RNF157: variants seen among roughly 807,000 people sequenced by gnomAD.
The protein encoded by RNF157 is ring finger protein 157, also known as E3 ubiquitin ligase RNF157.
In RNF157, 55 loss-of-function variants were observed where a neutral mutation model predicts 88.3. The observed-to-expected ratio is 0.62, with a 90% CI of 0.50 to 0.78. The LOEUF (loss-of-function observed/expected upper bound fraction) is 0.78. Ranked by LOEUF, RNF157 falls within the 30% of genes least tolerant of loss-of-function variation. The pLI, the probability that RNF157 is intolerant of heterozygous loss-of-function variation, is 0.00. For missense variants in RNF157, 788 were observed against 860.8 expected (o/e 0.92, Z 1.06); for synonymous variants, 334 against 341.2 (o/e 0.98, Z 0.23).
chr17:76,235,273 C>T (rs2070262470), intron 1 of RNF157, among the ~76,000 whole-genome samples: 1 of 151,760 alleles, frequency 6.6e-6, no homozygotes. Flanking sequence ...TCTCGGCTCA[C>T]TGCAAGCTCC....
chr17:76,158,547 A>C (rs1219861198), intron 12 of RNF157, 46 bp from the exon 13 acceptor site: 1 of 1,388,474 alleles, frequency 7.2e-7, no homozygotes, highest in Admixed American at 1.7e-5. Flanking sequence ...CGTCCATTTA[A>C]AGAACAGAAC....
intron 1 of RNF157, among the ~76,000 whole-genome samples, chr17:76,230,836 T>TAAAA (rs1160772405): frequency 2.8e-5 from 2 of 70,366 alleles, no homozygotes; most frequent in East Asian, 4.2e-4. Flanking sequence ...AGACTCCATC[T>TAAAA]AAAAAAAAAA....
Position 76,221,374 on chromosome 17 carries a change from C to T in RNF157, c.89-8892G>A, listed in dbSNP as rs148885417. On this transcript the variant is annotated intron_variant, in intron 1 of 18. Transcript: ENST00000269391. ...ATGAACTTGATCAAGCTGCTGAAAC[C>T]AGTTAACCACCAGCTTATAGGGAAT... Among the ~76,000 whole-genome samples, 727 of 152,170 alleles carry T rather than the reference C, an allele frequency of 4.8e-3. 5 individuals are homozygous for T. The highest frequency in any genetic ancestry group is 0.011 in the South Asian group (54 of 4,820).
intron 1 of RNF157, among the ~76,000 whole-genome samples, chr17:76,228,153 A>G (rs926902041): frequency 6.6e-6 from 1 of 152,106 alleles, no homozygotes; most frequent in African/African-American, 2.4e-5. Context: ...TTTAAATTCT[A>G]TTCTTATGCT....
rs764629325 is a variant in RNF157, at chr17:76,155,612, C to A, written c.1648G>T (p.Ala550Ser). The A allele has an allele frequency of 8.1e-6, 13 of 1,613,608 alleles. No individual in the cohort carries two copies. The East Asian group carries it at 1.1e-4, about 14-fold the overall frequency. Residue 550 changes from alanine (A) to serine (S), a missense_variant, in exon 15 of 19, where the codon GCT becomes TCT. By Grantham distance (99) the Ala-to-Ser change is moderately conservative. Transcript: ENST00000269391. ...CTGGCAGGCTGGGGGGAAGAGAGAG[C>A]CTCTCCCTCCTCTTCAGTGCCAGGG... ...IAPGTEEEGE[A>S]LSSPQPASRA...
At chr17:76,224,474 T>A (rs2070043030) in intron 1 of RNF157, among the ~76,000 whole-genome samples, 2 of 152,120 alleles carry the variant, frequency 1.3e-5, no homozygotes, top group Non-Finnish European at 2.9e-5. Context: ...TTCATCTACA[T>A]GACATTTCAA....
At chr17:76,165,700 C>CA (rs2068912726) in intron 6 of RNF157, among the ~76,000 whole-genome samples, 155 bp from the exon 7 acceptor site, 1 of 151,200 alleles carries the variant, frequency 6.6e-6, no homozygotes, top group Admixed American at 6.6e-5. Context: ...TTTTTTGAGA[C>CA]AGAGTCTGGC....
chr17:76,213,177 G>A (rs1179208565), intron 1 of RNF157, among the ~76,000 whole-genome samples: 1 of 152,124 alleles, frequency 6.6e-6, no homozygotes, highest in Non-Finnish European at 1.5e-5. Context: ...ATGTATTGAA[G>A]AATCTCAGCT....
At chr17:76,198,539 C>T (rs1187524297) in intron 2 of RNF157, among the ~76,000 whole-genome samples, 1 of 152,152 alleles carries the variant, frequency 6.6e-6, no homozygotes, top group Non-Finnish European at 1.5e-5. Context: ...ATTACCACAC[C>T]CTAGATTCTG....
At chr17:76,186,659 C>T (rs117025238) in intron 2 of RNF157, among the ~76,000 whole-genome samples, 10 of 150,928 alleles carry the variant, frequency 6.6e-5, no homozygotes, top group East Asian at 4.0e-4. Flanking sequence ...AGGTCTGGGC[C>T]GGGGGGGCAG....
At chr17:76,236,274 G>A (rs2070281268) in intron 1 of RNF157, among the ~76,000 whole-genome samples, 3 of 152,096 alleles carry the variant, frequency 2.0e-5, no homozygotes, top group African/African-American at 7.2e-5. Context: ...GATTTATGAG[G>A]TACTGCTTTA....
chr17:76,148,566 C>CTT (rs35003550), intron 18 of RNF157, among the ~76,000 whole-genome samples: 1 of 132,944 alleles, frequency 7.5e-6, no homozygotes. Flanking sequence ...CGTGCCCCGC[C>CTT]TTTTTTTTTT....
chr17:76,158,705 G>A (rs1212286070), intron 12 of RNF157, among the ~76,000 whole-genome samples: 1 of 152,208 alleles, frequency 6.6e-6, no homozygotes, highest in African/African-American at 2.4e-5. Context: ...GAGGAGTACA[G>A]CCTCCTGAGT....
At chr17:76,171,171 C>T (rs2069007681) in intron 3 of RNF157, among the ~76,000 whole-genome samples, 1 of 151,262 alleles carries the variant, frequency 6.6e-6, no homozygotes, top group Admixed American at 6.6e-5. Context: ...GGATTACAGG[C>T]ATGAGCCACT....
intron 2 of RNF157, among the ~76,000 whole-genome samples, chr17:76,178,600 C>T (rs2069141793): frequency 6.6e-6 from 1 of 152,230 alleles, no homozygotes; most frequent in African/African-American, 2.4e-5. Context: ...CCACTGGCCA[C>T]AGGTTTCCAG....
intron 1 of RNF157, among the ~76,000 whole-genome samples, chr17:76,223,737 CT>C (rs2070029449): frequency 6.6e-6 from 1 of 152,094 alleles, no homozygotes; most frequent in Non-Finnish European, 1.5e-5. Context: ...TACAGCCTCC[CT>C]GTTCAGAATA....
In RNF157 at chr17:76,212,549, A is replaced by T. The variant is rs1568068004; in HGVS notation, c.89-67T>A. ...AGTCAACCTAAATCTAGTAAAAAAAAAAAGCTGATTTTTAAAATGTTAACC... is the reference window on the plus strand; with the variant it reads ...AGTCAACCTAAATCTAGTAAAAAAATAAAGCTGATTTTTAAAATGTTAACC... On this transcript the variant is annotated intron_variant, in intron 1 of 18. Coordinates refer to ENST00000269391, the MANE Select transcript of RNF157 (RefSeq NM_052916.3). 3 of 1,069,182 alleles carry T rather than the reference A, an allele frequency of 2.8e-6. No individual in the cohort carries two copies. In the Admixed American group the frequency reaches 6.1e-5, roughly 22 times the overall value. 66.2% of individuals were successfully genotyped at this position (1,069,182 alleles called of 1,614,324 possible). A position where few individuals can be genotyped will look rare whatever the true frequency, so the allele number is the denominator to read the frequency against.
intron 1 of RNF157, among the ~76,000 whole-genome samples, chr17:76,233,127 AGCCAG>A (rs2070223114): frequency 6.6e-6 from 1 of 152,010 alleles, no homozygotes; most frequent in African/African-American, 2.4e-5. Flanking sequence ...TCACCATGTT[AGCCAG>A]GATGGTCTCG....
intron 16 of RNF157, 89 bp downstream of exon 16, chr17:76,155,163 C>G (rs2068742832): frequency 8.6e-7 from 1 of 1,166,054 alleles, no homozygotes; most frequent in East Asian, 2.3e-5. Flanking sequence ...GCGCAGCCTC[C>G]TGGCCCTGGT....
Sources: gnomAD v4.1 joint callset for allele counts (sites outside exome capture counted in the v4.1 genomes callset) on GRCh38, gnomAD v4.1.1 for gene constraint, MANE v1.5 for transcripts, NCBI Gene and HGNC (gene_info 2026-07-23, HGNC 2026-07-21) for gene names.